METTL8: variants seen among roughly 807,000 people sequenced by gnomAD.
The protein encoded by METTL8 is methyltransferase 8, tRNA N3-cytidine.
A neutral mutation model predicts 48.7 loss-of-function variants in METTL8; 32 were observed. The observed-to-expected ratio is 0.66, with a 90% CI of 0.50 to 0.88. METTL8 has a LOEUF of 0.88. Ranked by LOEUF, METTL8 falls within the 40% of genes least tolerant of loss-of-function variation. The probability of loss-of-function intolerance (pLI) is 0.00; values close to 1 mark genes in which losing one functional copy is unlikely to be tolerated. For missense variants in METTL8, 464 were observed against 474.4 expected (o/e 0.98, Z 0.20); for synonymous variants, 136 against 157.1 (o/e 0.87, Z 1.01).
At chr2:171,392,701 T>C (rs1465398523) in intron 1 of METTL8, among the ~76,000 whole-genome samples, 1 of 152,134 alleles carries the variant, frequency 6.6e-6, no homozygotes, top group African/African-American at 2.4e-5. Context: ...AATAAATAAA[T>C]ATTAAGACAG....
chr2:171,341,356 C>G (rs890110339), intron 3 of METTL8, among the ~76,000 whole-genome samples: 1 of 151,570 alleles, frequency 6.6e-6, no homozygotes, highest in Non-Finnish European at 1.5e-5. Flanking sequence ...ATAAAGTAAC[C>G]CACTCTCTCC....
intron 3 of METTL8, among the ~76,000 whole-genome samples, chr2:171,348,781 T>C (rs1476008462): frequency 6.6e-6 from 1 of 152,120 alleles, no homozygotes; most frequent in Admixed American, 6.5e-5. Flanking sequence ...ATGAGTTGTA[T>C]AAATTTCTGT....
rs1332061363 is a variant in METTL8, at chr2:171,375,418, T to C, written c.144-14905A>G. ...ATTCCAAAATGGTTATACCATTTTA[T>C]ATTCCCACCAGCAGTGTATGAAAGT... On this transcript the variant is annotated intron_variant, in intron 2 of 9. Transcript: ENST00000375258. 3 of 606,160 alleles carry C rather than the reference T, an allele frequency of 4.9e-6. No individual in the cohort carries two copies. In the East Asian group the frequency reaches 8.3e-5, roughly 17 times the overall value. 37.5% of individuals were successfully genotyped at this position (606,160 alleles called of 1,614,324 possible). A position where few individuals can be genotyped will look rare whatever the true frequency, so the allele number is the denominator to read the frequency against.
intron 3 of METTL8, among the ~76,000 whole-genome samples, chr2:171,359,611 C>T (rs1684952810): frequency 6.6e-6 from 1 of 151,462 alleles, no homozygotes; most frequent in Non-Finnish European, 1.5e-5. Context: ...ATGGAATCAA[C>T]ATTTCCGGTT....
chr2:171,342,453 T>C (rs1686871995), intron 3 of METTL8, among the ~76,000 whole-genome samples: 1 of 152,244 alleles, frequency 6.6e-6, no homozygotes, highest in Non-Finnish European at 1.5e-5. Context: ...ATTTTCCTTC[T>C]TTTTCAATAA....
rs949953821 is a variant in METTL8, at chr2:171,339,494, T to G, written c.296A>C (p.Lys99Thr). The change falls in exon 4 of 10, where the codon AAG (lysine) becomes ACG (threonine). Residue 99 changes from lysine (K) to threonine (T), a missense_variant. Physicochemically the swap from Lys to Thr is moderately conservative, Grantham distance 78. Coordinates refer to ENST00000375258, the MANE Select transcript of METTL8 (RefSeq NM_001321154.2). Reference protein sequence around the residue: ...WDTFYKIHKNKFFKDRNWLLR... With the variant: ...WDTFYKIHKNTFFKDRNWLLR... ...CAGCCAATTACGATCCTTGAAAAAC[T>G]TATTCTTATGAATCTTGTAAAATGT... 6.2e-7 allele frequency: 1 copy of G among 1,611,320 alleles called. No individual in the cohort carries two copies. The highest frequency in any genetic ancestry group is 8.5e-7 in the Non-Finnish European group (1 of 1,178,002).
chr2:171,339,285 T>C lies in METTL8; in HGVS notation c.505A>G (p.Thr169Ala). Residue 169 changes from threonine (T) to alanine (A), a missense_variant, in exon 4 of 10, where the codon ACA becomes GCA. Coordinates refer to ENST00000375258, the MANE Select transcript of METTL8 (RefSeq NM_001321154.2). ...TCTAGGTTGGAAAAATCAGATTCTG[T>C]TTTGCTTTGACCTTCTGAAGAACCA... ...SSGSSEGQSK[T>A]ESDFSNLDSE... 6.2e-7 allele frequency: 1 copy of C among 1,612,908 alleles called. No homozygotes were observed. The highest frequency in any genetic ancestry group is 2.2e-5 in the East Asian group (1 of 44,828).
Position 171,321,549 on chromosome 2 carries a change from T to C in METTL8, c.*2623A>G, listed in dbSNP as rs780175464. ...TAAAGCTGGACCAATGATATTCTTC[T>C]AGAAATTGGATTTTAAGTGAATTCA... On this transcript the variant is annotated 3_prime_UTR_variant, in exon 10 of 10. Transcript: ENST00000375258. 1.3e-5 allele frequency: 2 copies of C among 152,224 alleles called. No homozygotes were observed. The highest frequency in any genetic ancestry group is 2.1e-4 in the South Asian group (1 of 4,828). 9.4% of individuals were successfully genotyped at this position (152,224 alleles called of 1,614,324 possible).
At chr2:171,339,842 A>G (rs994510561) in intron 3 of METTL8, among the ~76,000 whole-genome samples, 1 of 152,204 alleles carries the variant, frequency 6.6e-6, no homozygotes, top group Non-Finnish European at 1.5e-5. Flanking sequence ...ATCACTGCAA[A>G]CAACTTTCTA....
chr2:171,362,433 A>T (rs1490070235), intron 2 of METTL8, among the ~76,000 whole-genome samples: 1 of 152,126 alleles, frequency 6.6e-6, no homozygotes, highest in Admixed American at 6.6e-5. Flanking sequence ...ATGGAGTTAC[A>T]TTGGGTGGAA....
intron 2 of METTL8, among the ~76,000 whole-genome samples, chr2:171,370,213 A>C (rs1466381243): frequency 6.6e-6 from 1 of 152,126 alleles, no homozygotes; most frequent in East Asian, 1.9e-4. Flanking sequence ...TGTTATCTTA[A>C]GTTTCTTTTC....
At chr2:171,374,342 G>A (rs1686716028) in intron 2 of METTL8, among the ~76,000 whole-genome samples, 1 of 152,094 alleles carries the variant, frequency 6.6e-6, no homozygotes, top group Non-Finnish European at 1.5e-5. Flanking sequence ...CAAAAATGAG[G>A]TCATACTGGA....
intron 5 of METTL8, among the ~76,000 whole-genome samples, chr2:171,333,010 TCTAAATAAATATGGAATTTATTTAG>T (rs772704445): frequency 9.2e-5 from 13 of 141,970 alleles, no homozygotes; most frequent in East Asian, 3.9e-4. Flanking sequence ...AAGGTGAACC[TCTAAATAAATATGGAATTTATTTAG>T]CTAAATAAAT....
intron 1 of METTL8, among the ~76,000 whole-genome samples, chr2:171,408,721 T>C (rs1384305306): frequency 1.3e-5 from 2 of 152,218 alleles, no homozygotes; most frequent in Non-Finnish European, 2.9e-5. Context: ...GTTCAGGATC[T>C]GCCACTTACT....
At chr2:171,416,078 A>G (rs1691288120) in intron 1 of METTL8, among the ~76,000 whole-genome samples, 1 of 152,208 alleles carries the variant, frequency 6.6e-6, no homozygotes, top group Admixed American at 6.5e-5. Flanking sequence ...CACTTGCTAC[A>G]CTGTTGTTTG....
chr2:171,403,413 A>G (rs1454543513), intron 1 of METTL8, among the ~76,000 whole-genome samples: 1 of 152,010 alleles, frequency 6.6e-6, no homozygotes, highest in East Asian at 1.9e-4. Context: ...TATGACTAAT[A>G]CTCCCCAAAC....
At chr2:171,376,844 T>G (rs909196723) in intron 2 of METTL8, among the ~76,000 whole-genome samples, 1 of 151,780 alleles carries the variant, frequency 6.6e-6, no homozygotes, top group Admixed American at 6.6e-5. Flanking sequence ...AGAAAAAACA[T>G]TCCTAACATT....
chr2:171,390,711 G>A (rs1304907608), intron 2 of METTL8, among the ~76,000 whole-genome samples: 1 of 152,206 alleles, frequency 6.6e-6, no homozygotes, highest in Non-Finnish European at 1.5e-5. Context: ...AACTTGAACA[G>A]ATGAGGAGTT....
chr2:171,328,261 A>C (rs567138891), intron 7 of METTL8, among the ~76,000 whole-genome samples: 2 of 152,312 alleles, frequency 1.3e-5, no homozygotes, highest in African/African-American at 4.8e-5. Flanking sequence ...TGCCTGCTTT[A>C]TGCTTGGCTC....
Sources: allele counts gnomAD v4.1 joint callset (sites outside exome capture counted in the v4.1 genomes callset), GRCh38; gene constraint gnomAD v4.1.1; transcripts MANE v1.5; gene names NCBI Gene and HGNC (gene_info 2026-07-23, HGNC 2026-07-21).